The following AGBL4 variants were observed in gnomAD, a reference collection of about 807,000 sequenced individuals.
AGBL4 encodes AGBL carboxypeptidase 4, also known as cytosolic carboxypeptidase 6.
Under a neutral mutation model 66.4 loss-of-function variants are expected in AGBL4, and 58 were observed. The ratio of observed to expected loss-of-function variants is 0.87; its 90% confidence interval spans 0.71 to 1.09. The LOEUF (loss-of-function observed/expected upper bound fraction) is 1.09, where lower values mean the gene tolerates loss of function less well. AGBL4 is among the 50% of genes least tolerant of loss of function. The probability of loss-of-function intolerance (pLI) is 0.00; values close to 1 mark genes in which losing one functional copy is unlikely to be tolerated. For missense variants in AGBL4, 579 were observed against 631.0 expected (o/e 0.92, Z 0.88); for synonymous variants, 234 against 222.9 (o/e 1.05, Z -0.44).
chr1:49,479,206 C>T (rs977613572), intron 3 of AGBL4, among the ~76,000 whole-genome samples: 2 of 151,910 alleles, frequency 1.3e-5, no homozygotes, highest in African/African-American at 4.8e-5. Context: ...AAATCAGTTG[C>T]ATTTCTGTAT....
chr1:49,111,834 T>C (rs1645418673), intron 4 of AGBL4, among the ~76,000 whole-genome samples: 1 of 152,224 alleles, frequency 6.6e-6, no homozygotes, highest in African/African-American at 2.4e-5. Context: ...TGTTAGATAA[T>C]GTTCAATAAA....
intron 4 of AGBL4, among the ~76,000 whole-genome samples, chr1:49,135,327 A>G (rs1396052842): frequency 1.3e-5 from 2 of 152,178 alleles, no homozygotes; most frequent in Non-Finnish European, 2.9e-5. Flanking sequence ...TCTAAATTTT[A>G]TAGTAAAAGA....
At chr1:48,671,223 G>C (rs1366385367) in intron 6 of AGBL4, among the ~76,000 whole-genome samples, 1 of 152,238 alleles carries the variant, frequency 6.6e-6, no homozygotes, top group Non-Finnish European at 1.5e-5. Flanking sequence ...GCTGAGAACA[G>C]AGCAGAGGCT....
At chr1:49,498,834 A>C (rs1647853911) in intron 3 of AGBL4, among the ~76,000 whole-genome samples, 1 of 151,974 alleles carries the variant, frequency 6.6e-6, no homozygotes, top group Non-Finnish European at 1.5e-5. Flanking sequence ...TCATTCAGTT[A>C]ATGTGGTATT....
intron 2 of AGBL4, among the ~76,000 whole-genome samples, chr1:49,727,496 C>T (rs1207519446): frequency 1.3e-5 from 2 of 152,090 alleles, no homozygotes; most frequent in African/African-American, 2.4e-5. Context: ...TATTAAGAGT[C>T]TCTGAGGCTA....
intron 11 of AGBL4, among the ~76,000 whole-genome samples, chr1:48,545,704 T>C (rs1644148555): frequency 6.6e-6 from 1 of 152,156 alleles, no homozygotes; most frequent in Non-Finnish European, 1.5e-5. Context: ...ATGGGGAAGA[T>C]GGAATCAAGA....
At chr1:49,699,415 G>A (rs1647046642) in intron 2 of AGBL4, among the ~76,000 whole-genome samples, 1 of 151,928 alleles carries the variant, frequency 6.6e-6, no homozygotes, top group Non-Finnish European at 1.5e-5. Context: ...AGTTAATAAT[G>A]CCTCCATATC....
intron 3 of AGBL4, among the ~76,000 whole-genome samples, chr1:49,379,575 GT>G: frequency 6.6e-6 from 1 of 152,230 alleles, no homozygotes; most frequent in South Asian, 2.1e-4. Context: ...TTTATTGAGA[GT>G]TTTTAGCATG....
intron 4 of AGBL4, among the ~76,000 whole-genome samples, chr1:49,112,286 C>A (rs1441988018): frequency 6.6e-6 from 1 of 152,052 alleles, no homozygotes; most frequent in Non-Finnish European, 1.5e-5. Flanking sequence ...AATAAGATAC[C>A]GTATTTGAAA....
chr1:49,294,049 A>G (rs1301894209), intron 3 of AGBL4, among the ~76,000 whole-genome samples: 1 of 152,226 alleles, frequency 6.6e-6, no homozygotes, highest in Non-Finnish European at 1.5e-5. Context: ...AGAGTTCCTG[A>G]AGTTTAGAGA....
intron 5 of AGBL4, among the ~76,000 whole-genome samples, chr1:48,961,080 G>T (rs920034549): frequency 1.3e-5 from 2 of 148,626 alleles, no homozygotes; most frequent in African/African-American, 2.5e-5. Flanking sequence ...CCCAGTCTGG[G>T]GTGTGTGTGT....
At chr1:49,488,117 A>G (rs893726213) in intron 3 of AGBL4, among the ~76,000 whole-genome samples, 4 of 151,902 alleles carry the variant, frequency 2.6e-5, no homozygotes, top group African/African-American at 9.7e-5. Context: ...ATTTAGGTGT[A>G]CTGAATACCC....
chr1:48,729,465 T>G (rs1242047317), intron 6 of AGBL4, among the ~76,000 whole-genome samples: 5 of 152,108 alleles, frequency 3.3e-5, no homozygotes, highest in African/African-American at 1.2e-4. Context: ...CCTTGAGGAA[T>G]TGCTATGGAG....
intron 3 of AGBL4, among the ~76,000 whole-genome samples, chr1:49,603,877 G>T (rs1303559545): frequency 6.8e-6 from 1 of 147,292 alleles, no homozygotes; most frequent in Non-Finnish European, 1.5e-5. Context: ...TATCCAAGTT[G>T]CTGTAAAAGA....
chr1:48,699,385 A>G (rs1330711698), intron 6 of AGBL4, among the ~76,000 whole-genome samples: 2 of 152,234 alleles, frequency 1.3e-5, no homozygotes, highest in African/African-American at 4.8e-5. Flanking sequence ...TTTGAATATT[A>G]TCATTTTTAC....
At chr1:48,810,347 C>A (rs567224519) in intron 6 of AGBL4, among the ~76,000 whole-genome samples, 35 of 152,308 alleles carry the variant, frequency 2.3e-4, no homozygotes, top group African/African-American at 8.4e-4. Context: ...CAGATGATTT[C>A]TTTTACTCAT....
Position 49,316,126 on chromosome 1 carries a change from A to G in AGBL4, c.283-70262T>C, listed in dbSNP as rs1037269033. On this transcript the variant is annotated intron_variant, in intron 3 of 13. Transcript: ENST00000371839. ...AGAAGGGAGGGAGAAAGGGACGAAT[A>G]GGTGGAGCATAGGGAATTTTTAGGG... Among the ~76,000 whole-genome samples the G allele has an allele frequency of 2.0e-5, 3 of 152,004 alleles. No homozygotes were observed. In the East Asian group the frequency reaches 5.8e-4, roughly 29 times the overall value.
intron 2 of AGBL4, among the ~76,000 whole-genome samples, chr1:49,838,687 G>T (rs921125733): frequency 3.3e-5 from 5 of 152,102 alleles, no homozygotes; most frequent in Non-Finnish European, 7.4e-5. Context: ...ATTTCTTCAA[G>T]TGTTATTTAC....
At chr1:49,999,334 CAAAAAA>C (rs58760048) in intron 1 of AGBL4, among the ~76,000 whole-genome samples, 1 of 134,476 alleles carries the variant, frequency 7.4e-6, no homozygotes, top group Non-Finnish European at 1.6e-5. Flanking sequence ...ACTACCACTG[CAAAAAA>C]AAAAAAAAAA....
Sources: gnomAD v4.1 joint callset for allele counts (sites outside exome capture counted in the v4.1 genomes callset) on GRCh38, gnomAD v4.1.1 for gene constraint, MANE v1.5 for transcripts, NCBI Gene and HGNC (gene_info 2026-07-23, HGNC 2026-07-21) for gene names.